The following SHISA9 variants were observed in gnomAD, a reference collection of about 807,000 sequenced individuals.
SHISA9 encodes the protein protein shisa-9.
In SHISA9, 13 loss-of-function variants were observed where a neutral mutation model predicts 38.0. The observed-to-expected ratio is 0.34, with a 90% CI of 0.22 to 0.54. The LOEUF is 0.54. SHISA9 is among the 20% of genes least tolerant of loss of function. The pLI is 0.91. For missense variants in SHISA9, 538 were observed against 575.8 expected (o/e 0.93, Z 0.67); for synonymous variants, 275 against 242.0 (o/e 1.14, Z -1.27).
chr16:13,438,943 A>G, the SHISA9 span, among the ~76,000 whole-genome samples: 1 of 152,196 alleles, frequency 6.6e-6, no homozygotes, highest in Non-Finnish European at 1.5e-5. Context: ...AAAGCAAGGG[A>G]AACGTAGGTC....
chr16:13,356,402 C>T, the SHISA9 span, among the ~76,000 whole-genome samples: 10 of 152,092 alleles, frequency 6.6e-5, no homozygotes, highest in African/African-American at 2.4e-4. Context: ...CTAAACGCTT[C>T]TGATTTGGGA....
chr16:13,331,124 G>A, the SHISA9 span, among the ~76,000 whole-genome samples: 3 of 152,120 alleles, frequency 2.0e-5, no homozygotes, highest in East Asian at 3.9e-4. Context: ...AAAAGGCTGG[G>A]ACTTGAGAAC....
chr16:13,223,158 G>A (rs112851396), intron 4 of SHISA9, among the ~76,000 whole-genome samples: 2,282 of 152,280 alleles, frequency 0.015, 57 homozygotes, highest in African/African-American at 0.052. Context: ...TGGGTGCGGT[G>A]GCTCATGCCT....
chr16:13,052,284 CT>C (rs2073261427), intron 2 of SHISA9, among the ~76,000 whole-genome samples: 1 of 152,158 alleles, frequency 6.6e-6, no homozygotes, highest in South Asian at 2.1e-4. Context: ...TTCCCCCCTC[CT>C]TTCTGAATAT....
At chr16:13,107,741 G>A (rs930670432) in intron 2 of SHISA9, among the ~76,000 whole-genome samples, 1 of 152,076 alleles carries the variant, frequency 6.6e-6, no homozygotes, top group Non-Finnish European at 1.5e-5. Context: ...GAATAGATTG[G>A]AAGATGAATA....
chr16:13,358,669 C>G, the SHISA9 span, among the ~76,000 whole-genome samples: 395 of 152,302 alleles, frequency 2.6e-3, 1 homozygote, highest in African/African-American at 9.0e-3. Context: ...AGTGCTTCAA[C>G]CAACCAGTGA....
rs968999740 is a variant in SHISA9, at chr16:12,937,683, C to T, written c.691+20868C>T. Among the ~76,000 whole-genome samples, 3 of 152,168 alleles carry T rather than the reference C, an allele frequency of 2.0e-5. No individual in the cohort carries two copies. The East Asian group carries it at 5.8e-4, about 29-fold the overall frequency. On this transcript the variant is annotated intron_variant, in intron 2 of 4. Coordinates refer to ENST00000558583, the MANE Select transcript of SHISA9 (RefSeq NM_001145204.3). ...GAGAGAGAGCACTCTGGTGTTTCTT[C>T]CTCTTCTGATAAGGGGACCCACCCT...
At chr16:13,014,663 T>C (rs1464764162) in intron 2 of SHISA9, among the ~76,000 whole-genome samples, 1 of 152,206 alleles carries the variant, frequency 6.6e-6, no homozygotes, top group Non-Finnish European at 1.5e-5. Context: ...GATGTGGTGC[T>C]GTCTGTTACA....
intron 2 of SHISA9, among the ~76,000 whole-genome samples, chr16:13,086,462 T>C (rs1268468767): frequency 1.3e-5 from 2 of 151,694 alleles, no homozygotes; most frequent in African/African-American, 4.8e-5. Context: ...GGTAGTAAAT[T>C]GAAAGACAGA....
At chr16:13,139,255 T>G (rs2141994324) in intron 2 of SHISA9, among the ~76,000 whole-genome samples, 1 of 151,468 alleles carries the variant, frequency 6.6e-6, no homozygotes, top group South Asian at 2.1e-4. Flanking sequence ...CTTTCTTTTC[T>G]TTCTAATTCC....
the SHISA9 span, among the ~76,000 whole-genome samples, chr16:13,485,625 T>A: frequency 6.6e-6 from 1 of 152,216 alleles, no homozygotes; most frequent in Non-Finnish European, 1.5e-5. Context: ...CACCTCAAAC[T>A]TTTATCTGTT....
chr16:13,115,251 A>G, intron 2 of SHISA9, among the ~76,000 whole-genome samples: 1 of 152,176 alleles, frequency 6.6e-6, no homozygotes, highest in East Asian at 1.9e-4. Flanking sequence ...AATTAAAGAC[A>G]CACACACAGA....
chr16:12,968,312 C>A (rs967471174), intron 2 of SHISA9, among the ~76,000 whole-genome samples: 8 of 150,206 alleles, frequency 5.3e-5, no homozygotes, highest in African/African-American at 1.7e-4. Context: ...TTTGAAGATC[C>A]TGGGTAATTC....
the SHISA9 span, among the ~76,000 whole-genome samples, chr16:13,294,741 C>T: frequency 2.3e-4 from 35 of 152,248 alleles, no homozygotes; most frequent in Admixed American, 2.2e-3. Context: ...GGGTCTCAAA[C>T]TCAAATACTT....
At chr16:13,112,113 T>A (rs1284258509) in intron 2 of SHISA9, among the ~76,000 whole-genome samples, 1 of 151,630 alleles carries the variant, frequency 6.6e-6, no homozygotes, top group Non-Finnish European at 1.5e-5. Flanking sequence ...AGGGTAAGGA[T>A]TTTTTTTTGT....
chr16:13,399,966 G>C, the SHISA9 span, among the ~76,000 whole-genome samples: 3 of 152,160 alleles, frequency 2.0e-5, no homozygotes, highest in Admixed American at 2.0e-4. Flanking sequence ...CTAGCACAGG[G>C]GTTGCCATTT....
At chr16:13,247,981 T>C in the SHISA9 span, among the ~76,000 whole-genome samples, 1 of 152,242 alleles carries the variant, frequency 6.6e-6, no homozygotes, top group South Asian at 2.1e-4. Context: ...GAAGCTGTTT[T>C]TGATGCTGTA....
the SHISA9 span, among the ~76,000 whole-genome samples, chr16:13,498,575 G>A: frequency 6.6e-6 from 1 of 152,004 alleles, no homozygotes; most frequent in Non-Finnish European, 1.5e-5. Flanking sequence ...TGACCGACAC[G>A]GTAAAACCCC....
chr16:13,030,431 T>C (rs1245983007), intron 2 of SHISA9, among the ~76,000 whole-genome samples: 2 of 152,192 alleles, frequency 1.3e-5, no homozygotes, highest in East Asian at 1.9e-4. Context: ...TCTCATAGGA[T>C]TGAGCCCAGT....
Sources: allele counts gnomAD v4.1 joint callset (sites outside exome capture counted in the v4.1 genomes callset), GRCh38; gene constraint gnomAD v4.1.1; transcripts MANE v1.5; gene names NCBI Gene and HGNC (gene_info 2026-07-23, HGNC 2026-07-21).